Variants in PITPNM2 observed in about 807,000 individuals in gnomAD.
PITPNM2 encodes membrane-associated phosphatidylinositol transfer protein 2.
Under a neutral mutation model 132.2 loss-of-function variants are expected in PITPNM2, and 35 were observed. That is an observed-to-expected ratio of 0.26 (90% CI 0.20 to 0.35). PITPNM2 has a LOEUF of 0.35. Among genes scored for constraint, PITPNM2 ranks in the 10% least tolerant of loss-of-function variants. PITPNM2 has a pLI of 1.00. For synonymous variants in PITPNM2, 738 were observed against 799.2 expected, an observed-to-expected ratio of 0.92 and a Z score of 1.29; for missense variants, 1,332 against 1,912.0, an observed-to-expected ratio of 0.70 and a Z score of 5.66.
At chr12:123,130,472 G>A (rs1437061062) in intron 1 of PITPNM2, among the ~76,000 whole-genome samples, 1 of 152,132 alleles carries the variant, frequency 6.6e-6, no homozygotes, top group African/African-American at 2.4e-5. Flanking sequence ...GCTCCAAGGG[G>A]AAGGGGAAGA....
intron 1 of PITPNM2, among the ~76,000 whole-genome samples, chr12:123,127,610 CTTT>C (rs1202654049): frequency 2.9e-5 from 4 of 139,440 alleles, no homozygotes; most frequent in African/African-American, 2.7e-5. Context: ...CTTTTTCTTT[CTTT>C]TTTTTTTTTT....
chr12:123,064,820 TG>T lies in PITPNM2; in HGVS notation c.-95-30136del, dbSNP rs1244279757. Among the ~76,000 whole-genome samples the T allele has an allele frequency of 6.6e-6, 1 of 152,198 alleles. No individual in the cohort carries two copies. Among genetic ancestry groups the T allele is most frequent in the African/African-American group, 2.4e-5 (1 of 41,440 alleles). On this transcript the variant is annotated intron_variant, in intron 2 of 25. Coordinates refer to ENST00000320201, the MANE Select transcript of PITPNM2 (RefSeq NM_020845.3). This position sits in a 1 kb window ranked among gnomAD's most constrained non-coding sequence, Gnocchi z 4.0. ...GCAGGACACAGGGAGTGACTAGCTC[TG>T]GGGCCAGACCACGTTCACATTCAAG... is the stretch of plus-strand genomic sequence containing the variant.
In PITPNM2 at chr12:123,009,743, G is replaced by A. The variant is rs76316343; in HGVS notation, c.643+107C>T. ...CACCTTCCCAGAACAAAACAGAAAC[G>A]CAGACTCCCAGGCAGACATGCAAAG... On this transcript the variant is annotated intron_variant, in intron 6 of 25. Coordinates refer to ENST00000320201, the MANE Select transcript of PITPNM2 (RefSeq NM_020845.3). The surrounding 1 kb of genome is among the most constrained non-coding windows in gnomAD (Gnocchi z 4.8). 142 of 1,094,110 alleles carry A rather than the reference G, an allele frequency of 1.3e-4. No homozygotes were observed. In the East Asian group the frequency reaches 2.7e-3, roughly 21 times the overall value. The allele number at this position is 1,094,110 out of a possible 1,614,324, so 67.8% of individuals were successfully genotyped here. A position where few individuals can be genotyped will look rare whatever the true frequency, so the allele number is the denominator to read the frequency against.
chr12:123,068,784 C>T (rs1056074999), intron 2 of PITPNM2, among the ~76,000 whole-genome samples: 8 of 152,190 alleles, frequency 5.3e-5, no homozygotes, highest in African/African-American at 1.4e-4. Context: ...CCAGCACTTA[C>T]GAACCCCAGG....
intron 2 of PITPNM2, among the ~76,000 whole-genome samples, chr12:123,105,907 C>T (rs1475786673): frequency 6.6e-6 from 1 of 152,148 alleles, no homozygotes; most frequent in Non-Finnish European, 1.5e-5. Flanking sequence ...AGCCCCAGAC[C>T]ACCACTGACC....
At chr12:122,989,975 C>T (rs2038115151) in intron 17 of PITPNM2, 27 bp from the exon 18 acceptor site, 2 of 1,299,630 alleles carry the variant, frequency 1.5e-6, no homozygotes, top group Non-Finnish European at 2.0e-6. Context: ...ATGGATGGCT[C>T]AGCCACGCGG....
intron 8 of PITPNM2, 61 bp from the exon 9 acceptor site, chr12:123,001,219 G>T: frequency 7.4e-7 from 1 of 1,346,936 alleles, no homozygotes. Flanking sequence ...CTGGCTTCCC[G>T]AGGTGGGGAC....
intron 1 of PITPNM2, among the ~76,000 whole-genome samples, chr12:123,132,430 G>A (rs911902454): frequency 6.6e-6 from 1 of 152,050 alleles, no homozygotes; most frequent in African/African-American, 2.4e-5. Context: ...GTCCAGCCCC[G>A]AGAGCCACTG....
intron 3 of PITPNM2, among the ~76,000 whole-genome samples, chr12:123,033,947 G>A (rs2040182173): frequency 6.6e-6 from 1 of 152,168 alleles, no homozygotes; most frequent in Non-Finnish European, 1.5e-5. Flanking sequence ...CAAAATTACA[G>A]TTGTATCCTA....
chr12:123,005,109 A>T lies in PITPNM2; in HGVS notation c.952+131T>A. On this transcript the variant is annotated intron_variant, in intron 7 of 25. Transcript: ENST00000320201. This position sits in a 1 kb window ranked among gnomAD's most constrained non-coding sequence, Gnocchi z 6.2. ...GTGCGAGGACTAGCCCAGGGCTCTG[A>T]CTCCCTCTGGGCTTGGTGCCTCAAT... 8.7e-7 allele frequency: 1 copy of T among 1,147,568 alleles called. No homozygotes were observed. The highest frequency in any genetic ancestry group is 1.2e-6 in the Non-Finnish European group (1 of 808,848). The allele number at this position is 1,147,568 out of a possible 1,614,324, so 71.1% of individuals were successfully genotyped here.
At position 123,023,259 on chromosome 12, in the gene PITPNM2, C is replaced by CG. The variant is rs2039739204; in HGVS notation, c.79-9218_79-9217insC. ...CCCTGTGAGGGGCTCACTGAAGCTG[C>CG]CACTCAGAATGTCAGTGCGCAGGCG... On this transcript the variant is annotated intron_variant, in intron 3 of 25. Transcript: ENST00000320201. This position sits in a 1 kb window ranked among gnomAD's most constrained non-coding sequence, Gnocchi z 4.8. Among the ~76,000 whole-genome samples the CG allele has an allele frequency of 6.6e-6, 1 of 152,202 alleles. No homozygotes were observed. The highest frequency in any genetic ancestry group is 6.5e-5 in the Admixed American group (1 of 15,280).
In PITPNM2 at chr12:123,004,380, C is replaced by T. The variant is rs771955354; in HGVS notation, c.1048+14G>A. On this transcript the variant is annotated intron_variant, in intron 8 of 25. Coordinates refer to ENST00000320201, the MANE Select transcript of PITPNM2 (RefSeq NM_020845.3). The surrounding 1 kb of genome is among the most constrained non-coding windows in gnomAD (Gnocchi z 4.9). ...CAGGAAGGCCCCAAGGACTGCAGAGCGCTGCCTGCCTACCGTGCGCATCGA... is the reference window on the plus strand; with the variant it reads ...CAGGAAGGCCCCAAGGACTGCAGAGTGCTGCCTGCCTACCGTGCGCATCGA... The T allele has an allele frequency of 4.3e-6, 7 of 1,613,380 alleles. No homozygotes were observed. The highest frequency in any genetic ancestry group is 1.1e-5 in the South Asian group (1 of 91,038).
Position 123,095,270 on chromosome 12 carries a change from G to A in PITPNM2, c.-96+15115C>T, listed in dbSNP as rs1015847170. Among the ~76,000 whole-genome samples the A allele has an allele frequency of 1.3e-5, 2 of 152,138 alleles. No homozygotes were observed. Among genetic ancestry groups the A allele is most frequent in the South Asian group, 2.1e-4 (1 of 4,826 alleles). On this transcript the variant is annotated intron_variant, in intron 2 of 25. Coordinates refer to ENST00000320201, the MANE Select transcript of PITPNM2 (RefSeq NM_020845.3). This position sits in a 1 kb window ranked among gnomAD's most constrained non-coding sequence, Gnocchi z 5.0. ...CAGTAGCCAAGCTTGCTGGACAGTC[G>A]CCCCTGTGGTGACAGGGAGAGCTAA...
chr12:123,075,329 G>C (rs1046518148), intron 2 of PITPNM2, among the ~76,000 whole-genome samples: 4 of 152,250 alleles, frequency 2.6e-5, no homozygotes, highest in Non-Finnish European at 5.9e-5. Flanking sequence ...GCACGGGCTG[G>C]GCGGGGGCCA....
chr12:123,044,105 C>T (rs2040577462), intron 2 of PITPNM2, among the ~76,000 whole-genome samples: 1 of 152,216 alleles, frequency 6.6e-6, no homozygotes, highest in Admixed American at 6.5e-5. Flanking sequence ...AAACAAAATG[C>T]CACGGGAGGC....
chr12:123,041,893 A>G (rs771274010), intron 2 of PITPNM2, among the ~76,000 whole-genome samples: 2 of 152,020 alleles, frequency 1.3e-5, no homozygotes, highest in African/African-American at 2.4e-5. Flanking sequence ...CCCTGGCCTT[A>G]GAAAAGTCTT....
At chr12:123,033,621 G>A (rs1409876348) in intron 3 of PITPNM2, among the ~76,000 whole-genome samples, 1 of 152,218 alleles carries the variant, frequency 6.6e-6, no homozygotes, top group Admixed American at 6.5e-5. Flanking sequence ...TGGGAGCTAG[G>A]AGACAGGCCC....
At position 122,986,817 on chromosome 12, in the gene PITPNM2, G is replaced by C. The variant is rs2037954269; in HGVS notation, c.3426C>G (p.Asp1142Glu). The C allele has an allele frequency of 6.2e-7, 1 of 1,611,068 alleles. No individual in the cohort carries two copies. Among genetic ancestry groups the C allele is most frequent in the Non-Finnish European group, 8.5e-7 (1 of 1,178,734 alleles). Residue 1142 changes from aspartate (D) to glutamate (E), a missense_variant, in exon 24 of 26, where the codon GAC (aspartate) becomes GAG (glutamate). Coordinates refer to ENST00000320201, the MANE Select transcript of PITPNM2 (RefSeq NM_020845.3). Reference sequence around the variant, plus strand: ...TCACGTAGATGATGAGGTAGCCCAGGTCCTGCCAGTGCCTGGGGGTGAGGT... The same window carrying C: ...TCACGTAGATGATGAGGTAGCCCAGCTCCTGCCAGTGCCTGGGGGTGAGGT... ...GAVDVVRHWQ[D>E]LGYLIIYVTG...
In PITPNM2 at chr12:123,004,576, C is replaced by T; in HGVS notation, c.953-87G>A. The T allele has an allele frequency of 7.9e-7, 1 of 1,259,710 alleles. No individual in the cohort carries two copies. Among genetic ancestry groups the T allele is most frequent in the Non-Finnish European group, 1.2e-6 (1 of 868,034 alleles). The allele number at this position is 1,259,710 out of a possible 1,614,324, so 78.0% of individuals were successfully genotyped here. A position where few individuals can be genotyped will look rare whatever the true frequency, so the allele number is the denominator to read the frequency against. On this transcript the variant is annotated intron_variant, in intron 7 of 25. Coordinates refer to ENST00000320201, the MANE Select transcript of PITPNM2 (RefSeq NM_020845.3). The surrounding 1 kb of genome is among the most constrained non-coding windows in gnomAD (Gnocchi z 4.9). Reference sequence around the variant, plus strand: ...AGCCGGCAGGAGGCAGGGAGGGCCACCCACAGGCCTGACAGGCATCACAGA... The same window carrying T: ...AGCCGGCAGGAGGCAGGGAGGGCCATCCACAGGCCTGACAGGCATCACAGA...
Sources: gnomAD v4.1 joint callset for allele counts (sites outside exome capture counted in the v4.1 genomes callset) on GRCh38, gnomAD v4.1.1 for gene constraint, Gnocchi (gnomAD v3.1) non-coding constraint, MANE v1.5 for transcripts, NCBI Gene and HGNC (gene_info 2026-07-23, HGNC 2026-07-21) for gene names.